IDO2: variants seen among roughly 807,000 people sequenced by gnomAD.
IDO2 encodes indoleamine 2,3-dioxygenase-like 1 protein.
IDO2 carries 46 observed loss-of-function variants against 45.1 expected under a neutral mutation model. That is an observed-to-expected ratio of 1.02 (90% CI 0.80 to 1.30). The LOEUF (loss-of-function observed/expected upper bound fraction) is 1.30. Ranked by LOEUF, IDO2 falls within the 50% of genes most tolerant of loss-of-function variation. IDO2 has a pLI of 0.00. For synonymous variants in IDO2, 218 were observed against 184.9 expected (o/e 1.18, Z -1.45); for missense variants, 544 against 491.8 (o/e 1.11, Z -1.00).
At chr8:39,982,893 G>A in intron 5 of IDO2, 123 bp downstream of exon 5, 1 of 617,874 alleles carries the variant, frequency 1.6e-6, no homozygotes, top group South Asian at 2.5e-5. Context: ...GAAGGGGTGA[G>A]CTTGACCAAA....
chr8:40,005,826 T>C (rs1404550738), intron 9 of IDO2, among the ~76,000 whole-genome samples: 1 of 152,188 alleles, frequency 6.6e-6, no homozygotes, highest in African/African-American at 2.4e-5. Context: ...CCAAAATTCA[T>C]ATGTTAAAAC....
At chr8:39,945,636 A>G (rs561846620) in intron 1 of IDO2, among the ~76,000 whole-genome samples, 34 of 152,330 alleles carry the variant, frequency 2.2e-4, no homozygotes, top group Non-Finnish European at 4.6e-4. Flanking sequence ...CTACAAGGGT[A>G]TAACGAGGAG....
At chr8:39,972,585 G>A (rs867219542) in intron 3 of IDO2, among the ~76,000 whole-genome samples, 15 of 115,492 alleles carry the variant, frequency 1.3e-4, no homozygotes, top group Non-Finnish European at 1.5e-4. Context: ...ACTCCAGCCC[G>A]GGTAACAGAG....
chr8:39,952,242 G>A (rs1807824635), intron 2 of IDO2, among the ~76,000 whole-genome samples: 2 of 152,140 alleles, frequency 1.3e-5, no homozygotes, highest in African/African-American at 4.8e-5. Context: ...ATCACAATTG[G>A]CTGCCCTGCT....
chr8:39,968,262 T>A (rs1808126851), intron 3 of IDO2, among the ~76,000 whole-genome samples: 1 of 152,192 alleles, frequency 6.6e-6, no homozygotes, highest in Admixed American at 6.5e-5. Flanking sequence ...AAATGAAAGA[T>A]GTCAGGCCTA....
chr8:39,984,058 T>TAC (rs1808390098), intron 5 of IDO2, among the ~76,000 whole-genome samples: 1 of 103,452 alleles, frequency 9.7e-6, no homozygotes, highest in Non-Finnish European at 2.0e-5. Flanking sequence ...AAAAATAATA[T>TAC]ATGTGCGTAA....
At chr8:39,976,532 G>A (rs58050072) in intron 3 of IDO2, among the ~76,000 whole-genome samples, 11,469 of 152,052 alleles carry the variant, frequency 0.075, 1,426 homozygotes, top group African/African-American at 0.26. Flanking sequence ...TTATATTCAC[G>A]GTGTACAAAT....
At chr8:39,938,016 T>A (rs1252641905) in intron 1 of IDO2, among the ~76,000 whole-genome samples, 1 of 152,266 alleles carries the variant, frequency 6.6e-6, no homozygotes, top group Admixed American at 6.5e-5. Flanking sequence ...TTTGTCCTTT[T>A]ATTGTTTTCC....
chr8:40,015,361 A>G, exon 11 of IDO2: 1 of 1,613,788 alleles, frequency 6.2e-7, no homozygotes, highest in South Asian at 1.1e-5. Flanking sequence ...GGACAGGACC[A>G]CTTGCTGACA....
At chr8:40,011,074 C>T (rs561228366) in intron 9 of IDO2, among the ~76,000 whole-genome samples, 88 of 152,230 alleles carry the variant, frequency 5.8e-4, no homozygotes, top group African/African-American at 2.1e-3. Flanking sequence ...CCATACCAGG[C>T]TAATTTTTGT....
chr8:39,990,078 C>T (rs187531766), intron 8 of IDO2, among the ~76,000 whole-genome samples: 1 of 152,286 alleles, frequency 6.6e-6, no homozygotes, highest in African/African-American at 2.4e-5. Flanking sequence ...TTCCCTTCTG[C>T]AGTGGCCAGA....
rs200811686 is a variant in IDO2 at position 39,989,712 on chromosome 8, C to G, written c.550-9C>G. 1.3e-6 allele frequency: 2 copies of G among 1,560,416 alleles called. No individual in the cohort carries two copies. Among genetic ancestry groups the G allele is most frequent in the Non-Finnish European group, 1.7e-6 (2 of 1,149,238 alleles). On this transcript the variant is annotated splice_polypyrimidine_tract_variant and intron_variant, in intron 7 of 10. Transcript: ENST00000502986. ...GCTAATAAGTTGTGTACATGCATCT[C>G]ATCCCTAGGCTCTTGTTCAGGCCAC...
At chr8:39,949,988 C>A (rs1807789310) in intron 2 of IDO2, among the ~76,000 whole-genome samples, 2 of 152,112 alleles carry the variant, frequency 1.3e-5, no homozygotes, top group South Asian at 4.1e-4. Flanking sequence ...CTTATAAACA[C>A]TGTTTTTCTC....
intron 2 of IDO2, among the ~76,000 whole-genome samples, chr8:39,951,488 G>A (rs977476932): frequency 2.6e-5 from 4 of 151,974 alleles, no homozygotes; most frequent in Non-Finnish European, 5.9e-5. Context: ...CGGATGAGTC[G>A]GTCACGCTAA....
chr8:40,002,051 G>A (rs557330973), intron 8 of IDO2, among the ~76,000 whole-genome samples: 3 of 152,308 alleles, frequency 2.0e-5, no homozygotes, highest in African/African-American at 4.8e-5. Flanking sequence ...CTCCCAAAGT[G>A]CTGGGATTAT....
At chr8:39,951,487 C>T (rs967409828) in intron 2 of IDO2, among the ~76,000 whole-genome samples, 7 of 152,080 alleles carry the variant, frequency 4.6e-5, no homozygotes, top group African/African-American at 1.4e-4. Context: ...TCGGATGAGT[C>T]GGTCACGCTA....
At chr8:39,946,233 G>C (rs1163124660) in intron 1 of IDO2, among the ~76,000 whole-genome samples, 1 of 152,152 alleles carries the variant, frequency 6.6e-6, no homozygotes, top group Non-Finnish European at 1.5e-5. Context: ...CACAAGAAGA[G>C]AGCTTTGACT....
chr8:40,006,727 C>T (rs1802228040), intron 9 of IDO2, among the ~76,000 whole-genome samples: 2 of 152,042 alleles, frequency 1.3e-5, no homozygotes, highest in South Asian at 2.1e-4. Context: ...GTGGTGCCAT[C>T]TTGGCTCACG....
intron 1 of IDO2, among the ~76,000 whole-genome samples, chr8:39,941,063 A>C (rs990882788): frequency 2.6e-5 from 4 of 151,780 alleles, no homozygotes; most frequent in Non-Finnish European, 5.9e-5. Context: ...TCTTCTAAAA[A>C]ATACAAAAAT....
Sources: allele counts gnomAD v4.1 joint callset (sites outside exome capture counted in the v4.1 genomes callset), GRCh38; gene constraint gnomAD v4.1.1; transcripts MANE v1.5; gene names NCBI Gene and HGNC (gene_info 2026-07-23, HGNC 2026-07-21).